Variants in PACRGL observed in about 807,000 individuals in gnomAD.
PACRGL encodes the protein parkin coregulated like, also known as PACRG-like protein.
A neutral mutation model predicts 34.5 loss-of-function variants in PACRGL; 38 were observed. The ratio of observed to expected loss-of-function variants is 1.10; its 90% confidence interval spans 0.85 to 1.44. The LOEUF (loss-of-function observed/expected upper bound fraction) is 1.44. Ranked by LOEUF, PACRGL falls within the 40% of genes most tolerant of loss-of-function variation. The pLI, the probability that PACRGL is intolerant of heterozygous loss-of-function variation, is 0.00. For synonymous variants in PACRGL, 128 were observed against 100.1 expected, an observed-to-expected ratio of 1.28 and a Z score of -1.66; for missense variants, 305 against 281.4, an observed-to-expected ratio of 1.08 and a Z score of -0.60.
the PACRGL span, among the ~76,000 whole-genome samples, chr4:20,762,862 A>T: frequency 2.0e-5 from 3 of 152,140 alleles, no homozygotes; most frequent in East Asian, 5.8e-4. Flanking sequence ...AGGTTAATTG[A>T]CTCACAGGTC....
chr4:20,723,319 C>T (rs1252683662), intron 7 of PACRGL, among the ~76,000 whole-genome samples: 1 of 152,156 alleles, frequency 6.6e-6, no homozygotes, highest in African/African-American at 2.4e-5. Flanking sequence ...TTGCACTCTG[C>T]CCTCCTGTTT....
intron 1 of PACRGL, chr4:20,701,846 C>T (rs543452137): frequency 7.7e-5 from 35 of 456,492 alleles, no homozygotes; most frequent in South Asian, 5.1e-4. Flanking sequence ...AGATGTGGAA[C>T]CCGCATATAC....
chr4:20,755,380 CT>C (rs1754312865), downstream of PACRGL, among the ~76,000 whole-genome samples: 1 of 152,228 alleles, frequency 6.6e-6, no homozygotes, highest in South Asian at 2.1e-4. Context: ...GTGCTGTACA[CT>C]TTTCAAAGAG....
chr4:20,753,774 T>C (rs1167909860), downstream of PACRGL, among the ~76,000 whole-genome samples: 2 of 152,218 alleles, frequency 1.3e-5, no homozygotes, highest in Admixed American at 6.5e-5. Flanking sequence ...AGAAGGATAC[T>C]CAGTGGGTGA....
intron 8 of PACRGL, among the ~76,000 whole-genome samples, chr4:20,746,137 T>C (rs1308287443): frequency 6.6e-6 from 1 of 152,076 alleles, no homozygotes; most frequent in African/African-American, 2.4e-5. Flanking sequence ...CAAATGTCCA[T>C]CAATAATACA....
rs1748446224 is a variant in PACRGL at position 20,732,149 on chromosome 4, T to C, written c.*4808T>C. 19 of 955,962 alleles carry C rather than the reference T, an allele frequency of 2.0e-5. 1 individual carries two copies. In the South Asian group the frequency reaches 2.8e-4, roughly 14 times the overall value. The allele number at this position is 955,962 out of a possible 1,614,324, so 59.2% of individuals were successfully genotyped here. A position where few individuals can be genotyped will look rare whatever the true frequency, so the allele number is the denominator to read the frequency against. On this transcript the variant is annotated 3_prime_UTR_variant, in exon 9 of 9. Coordinates refer to ENST00000503585, the MANE Select transcript of PACRGL (RefSeq NM_001258345.3). ...CCTGGACCAAATGAGCTGAAGCTGA[T>C]AAAAAGAAAACCTAGCTGCTTATTT...
upstream of PACRGL, among the ~76,000 whole-genome samples, chr4:20,696,675 TCTAG>T (rs1395537675): frequency 6.6e-6 from 1 of 152,258 alleles, no homozygotes; most frequent in African/African-American, 2.4e-5. Context: ...GTATGTACTC[TCTAG>T]CTATTTGACA....
chr4:20,705,012 A>G (rs1733898082), intron 3 of PACRGL, among the ~76,000 whole-genome samples, 198 bp downstream of exon 3: 1 of 152,204 alleles, frequency 6.6e-6, no homozygotes, highest in Non-Finnish European at 1.5e-5. Flanking sequence ...AAGGAGACAT[A>G]GAAGTTAACC....
At chr4:20,754,546 T>C (rs1374783178), downstream of PACRGL, among the ~76,000 whole-genome samples, 1 of 152,244 alleles carries the variant, frequency 6.6e-6, no homozygotes, top group African/African-American at 2.4e-5. Flanking sequence ...AAACAATTTG[T>C]ATGTATGATA....
At chr4:20,714,208 A>G (rs1465112404) in intron 7 of PACRGL, among the ~76,000 whole-genome samples, 2 of 152,090 alleles carry the variant, frequency 1.3e-5, no homozygotes, top group Non-Finnish European at 2.9e-5. Flanking sequence ...TATATTTAGG[A>G]TAGTTAGCTC....
chr4:20,720,478 T>G (rs2149163956), intron 7 of PACRGL, among the ~76,000 whole-genome samples: 1 of 152,370 alleles, frequency 6.6e-6, no homozygotes, highest in Admixed American at 6.5e-5. Flanking sequence ...AGGTTGTTCC[T>G]TTCCATGTTT....
At chr4:20,697,149 C>CATTATAAA (rs2149011832), upstream of PACRGL, among the ~76,000 whole-genome samples, 1 of 152,266 alleles carries the variant, frequency 6.6e-6, no homozygotes, top group South Asian at 2.1e-4. Context: ...CATGTGCAAG[C>CATTATAAA]GGACACTCAA....
At position 20,713,952 on chromosome 4, in the gene PACRGL, T is replaced by C. The variant is rs544025040; in HGVS notation, c.609+413T>C. Among the ~76,000 whole-genome samples, 3 of 152,276 alleles carry C rather than the reference T, an allele frequency of 2.0e-5. No homozygotes were observed. In the East Asian group the frequency reaches 5.8e-4, roughly 29 times the overall value. ...CAATTTTGGGATAGGTGTGGTGTGG[T>C]GCTGAAAAAAATGTATATTCTGTTG... On this transcript the variant is annotated intron_variant, in intron 7 of 8. Transcript: ENST00000503585.
intron 8 of PACRGL, among the ~76,000 whole-genome samples, chr4:20,738,855 C>A (rs1410418230): frequency 6.6e-6 from 1 of 152,172 alleles, no homozygotes; most frequent in African/African-American, 2.4e-5. Flanking sequence ...GAAGCTGTGA[C>A]AGATGGTACC....
At chr4:20,743,931 A>AC (rs1201218507) in intron 8 of PACRGL, among the ~76,000 whole-genome samples, 1 of 150,128 alleles carries the variant, frequency 6.7e-6, no homozygotes, top group African/African-American at 2.4e-5. Flanking sequence ...AAAAAAAAAA[A>AC]CCCTTCAAAA....
At chr4:20,750,031 G>A (rs889468713) in intron 8 of PACRGL, among the ~76,000 whole-genome samples, 12 of 152,196 alleles carry the variant, frequency 7.9e-5, no homozygotes, top group Admixed American at 7.2e-4. Flanking sequence ...ATAGGTGGAT[G>A]TGAAGATTGA....
intron 6 of PACRGL, 37 bp downstream of exon 6, chr4:20,712,959 A>G (rs1413999619): frequency 6.9e-7 from 1 of 1,456,594 alleles, no homozygotes; most frequent in African/African-American, 1.4e-5. Context: ...ATATTTGAAA[A>G]CATGATAGAA....
At chr4:20,696,880 AAT>A (rs1731265891), upstream of PACRGL, among the ~76,000 whole-genome samples, 1 of 152,228 alleles carries the variant, frequency 6.6e-6, no homozygotes, top group African/African-American at 2.4e-5. Flanking sequence ...AAGAATGTAA[AAT>A]ATCACATTAA....
chr4:20,697,116 C>T (rs1215472063), upstream of PACRGL, among the ~76,000 whole-genome samples: 1 of 152,130 alleles, frequency 6.6e-6, no homozygotes, highest in East Asian at 1.9e-4. Flanking sequence ...CCTGAGGAGC[C>T]ATTATCACTG....
Sources: gnomAD v4.1 joint callset for allele counts (sites outside exome capture counted in the v4.1 genomes callset) on GRCh38, gnomAD v4.1.1 for gene constraint, MANE v1.5 for transcripts, NCBI Gene and HGNC (gene_info 2026-07-23, HGNC 2026-07-21) for gene names.